Variants in SRD5A2 observed in about 807,000 individuals in gnomAD.
The protein encoded by SRD5A2 is 3-oxo-5-alpha-steroid 4-dehydrogenase 2.
A neutral mutation model predicts 27.4 loss-of-function variants in SRD5A2; 30 were observed. The observed-to-expected ratio is 1.10, with a 90% confidence interval of 0.82 to 1.49. The LOEUF (loss-of-function observed/expected upper bound fraction) is 1.49, where lower values mean the gene tolerates loss of function less well. Among genes scored for constraint, SRD5A2 ranks in the 40% most tolerant of loss-of-function variants. The pLI is 0.00. For synonymous variants in SRD5A2, 141 were observed against 133.6 expected, an observed-to-expected ratio of 1.06 and a Z score of -0.38; for missense variants, 348 against 323.4, an observed-to-expected ratio of 1.08 and a Z score of -0.58.
the SRD5A2 span, among the ~76,000 whole-genome samples, chr2:31,599,417 CA>C: frequency 3.3e-5 from 5 of 152,096 alleles, no homozygotes; most frequent in Non-Finnish European, 5.9e-5. Flanking sequence ...GGTCACAAAA[CA>C]AGCTTTAAAA....
At chr2:31,570,072 C>T (rs1228454529) in intron 1 of SRD5A2, among the ~76,000 whole-genome samples, 1 of 151,952 alleles carries the variant, frequency 6.6e-6, no homozygotes, top group East Asian at 1.9e-4. Context: ...AGAGACACAA[C>T]AGAAAAAGAA....
At chr2:31,577,162 T>TAAAAAAAAAAAAAAAAAAAAAAAAAAAAA (rs10683997) in intron 1 of SRD5A2, among the ~76,000 whole-genome samples, 1 of 57,174 alleles carries the variant, frequency 1.7e-5, no homozygotes, top group African/African-American at 7.3e-5. Flanking sequence ...AAAAAAACAT[T>TAAAAAAAAAAAAAAAAAAAAAAAAAAAAA]AAAAAAAAAA....
At chr2:31,660,621 T>A in the SRD5A2 span, among the ~76,000 whole-genome samples, 3 of 151,754 alleles carry the variant, frequency 2.0e-5, no homozygotes, top group Non-Finnish European at 2.9e-5. Context: ...TATGCACAGG[T>A]GGGGGCAGCA....
At chr2:31,588,754 A>T in the SRD5A2 span, among the ~76,000 whole-genome samples, 1 of 152,232 alleles carries the variant, frequency 6.6e-6, no homozygotes, top group Non-Finnish European at 1.5e-5. Context: ...ACTAAATATT[A>T]TAACACTAAC....
chr2:31,531,510 A>G (rs1238839719), intron 2 of SRD5A2, 38 bp from the exon 3 acceptor site: 2 of 1,347,798 alleles, frequency 1.5e-6, no homozygotes, highest in African/African-American at 1.4e-5. Flanking sequence ...TTTTTTTTAA[A>G]TGTGTCCAGA....
the SRD5A2 span, among the ~76,000 whole-genome samples, chr2:31,650,488 C>T: frequency 2.6e-5 from 4 of 152,148 alleles, no homozygotes; most frequent in Non-Finnish European, 5.9e-5. Context: ...TTAGCTTCAT[C>T]CTTTCCTCCT....
chr2:31,661,452 T>G, the SRD5A2 span, among the ~76,000 whole-genome samples: 1 of 152,136 alleles, frequency 6.6e-6, no homozygotes, highest in African/African-American at 2.4e-5. Flanking sequence ...AACAAACCTG[T>G]CCTGTGCTAC....
chr2:31,561,259 A>G (rs1666617663), intron 1 of SRD5A2, among the ~76,000 whole-genome samples: 1 of 152,178 alleles, frequency 6.6e-6, no homozygotes, highest in African/African-American at 2.4e-5. Flanking sequence ...CCCAGTTTTC[A>G]GGCTCCAAGA....
At chr2:31,643,368 TGTG>T in the SRD5A2 span, among the ~76,000 whole-genome samples, 4 of 152,186 alleles carry the variant, frequency 2.6e-5, no homozygotes, top group South Asian at 4.1e-4. Flanking sequence ...AAGATGAAAA[TGTG>T]GTATGCGATG....
chr2:31,583,629 CAAAAAAAAAGCAAAAAAAAAACCAAAA>C (rs1180513247), upstream of SRD5A2, among the ~76,000 whole-genome samples: 1 of 14,726 alleles, frequency 6.8e-5, no homozygotes, highest in Non-Finnish European at 1.6e-4. Flanking sequence ...AAAAAAAAAA[CAAAAAAAAAGCAAAAAAAAAACCAAAA>C]AAAAAGCAAA....
At chr2:31,578,430 C>A (rs1161471204) in intron 1 of SRD5A2, among the ~76,000 whole-genome samples, 1 of 152,120 alleles carries the variant, frequency 6.6e-6, no homozygotes, top group Non-Finnish European at 1.5e-5. Flanking sequence ...AGTTATTTAA[C>A]CTTTTCTTGC....
intron 1 of SRD5A2, among the ~76,000 whole-genome samples, chr2:31,570,372 A>G (rs774263352): frequency 2.6e-5 from 4 of 152,206 alleles, no homozygotes; most frequent in Non-Finnish European, 4.4e-5. Context: ...AAAGAAACAT[A>G]ATTCAAAATA....
intron 1 of SRD5A2, chr2:31,563,475 C>T (rs1482158862): frequency 6.6e-6 from 1 of 152,186 alleles, no homozygotes; most frequent in East Asian, 1.9e-4. Context: ...AAATGACTCA[C>T]ACCACCTCAT....
At chr2:31,577,810 C>T (rs780250100) in intron 1 of SRD5A2, among the ~76,000 whole-genome samples, 8 of 152,088 alleles carry the variant, frequency 5.3e-5, no homozygotes, top group Non-Finnish European at 8.8e-5. Flanking sequence ...TATATCAAGA[C>T]CCTAAAGAAT....
At chr2:31,570,491 C>T (rs1286951432) in intron 1 of SRD5A2, among the ~76,000 whole-genome samples, 1 of 152,158 alleles carries the variant, frequency 6.6e-6, no homozygotes, top group Non-Finnish European at 1.5e-5. Context: ...TCTCTCACCA[C>T]TCCTTTTCAA....
At chr2:31,569,110 A>T (rs570325064) in intron 1 of SRD5A2, among the ~76,000 whole-genome samples, 1 of 152,240 alleles carries the variant, frequency 6.6e-6, no homozygotes, top group Admixed American at 6.5e-5. Context: ...TGCCCCACCA[A>T]CTTGGTAGGG....
chr2:31,602,667 G>C, the SRD5A2 span, among the ~76,000 whole-genome samples: 6 of 151,940 alleles, frequency 3.9e-5, no homozygotes, highest in Non-Finnish European at 5.9e-5. Context: ...ATACTACAAG[G>C]CTACAGTAAC....
chr2:31,606,584 G>A, the SRD5A2 span, among the ~76,000 whole-genome samples: 1 of 151,862 alleles, frequency 6.6e-6, no homozygotes, highest in East Asian at 1.9e-4. Flanking sequence ...AACCAGGAAA[G>A]CTCAATCGAG....
intron 1 of SRD5A2, among the ~76,000 whole-genome samples, chr2:31,545,480 C>T (rs560625354): frequency 1.4e-4 from 21 of 152,004 alleles, no homozygotes; most frequent in Admixed American, 3.9e-4. Flanking sequence ...GGGTAAAACA[C>T]GTGGTCAATT....
Sources: allele counts gnomAD v4.1 joint callset (sites outside exome capture counted in the v4.1 genomes callset), GRCh38; gene constraint gnomAD v4.1.1; transcripts MANE v1.5; gene names NCBI Gene and HGNC (gene_info 2026-07-23, HGNC 2026-07-21).